The following ADAMTSL3 variants were observed in gnomAD, a reference collection of about 807,000 sequenced individuals.
The protein encoded by ADAMTSL3 is ADAMTS-like protein 3.
In ADAMTSL3, 128 loss-of-function variants were observed where a neutral mutation model predicts 201.7. The observed-to-expected ratio is 0.63, with a 90% CI of 0.55 to 0.73. The LOEUF is 0.73. Among genes scored for constraint, ADAMTSL3 ranks in the 30% least tolerant of loss-of-function variants. The pLI is 0.00. For synonymous variants in ADAMTSL3, 738 were observed against 748.4 expected (o/e 0.99, Z 0.23); for missense variants, 1,990 against 2,119.6 (o/e 0.94, Z 1.20).
At chr15:83,728,629 C>G (rs1306818420) in intron 3 of ADAMTSL3, among the ~76,000 whole-genome samples, 1 of 151,816 alleles carries the variant, frequency 6.6e-6, no homozygotes, top group Non-Finnish European at 1.5e-5. Context: ...AAGAGAAAAC[C>G]AACATAAATT....
rs542360045 is a variant in ADAMTSL3, at chr15:83,949,978, AT to A, written c.2490+6898del. On this transcript the variant is annotated intron_variant, in intron 19 of 29. Coordinates refer to ENST00000286744, the MANE Select transcript of ADAMTSL3 (RefSeq NM_207517.3). ...TCTGTGGGTTGTGTCTACTTTGTTG[AT>A]TGTTTTATTTGCCGTGTAGAAGCTT... Among the ~76,000 whole-genome samples, 264 of 151,568 alleles carry A rather than the reference AT, an allele frequency of 1.7e-3. 1 individual carries two copies. The highest frequency in any genetic ancestry group is 6.1e-3 in the African/African-American group (251 of 41,318).
intron 3 of ADAMTSL3, among the ~76,000 whole-genome samples, chr15:83,757,267 G>A (rs934289517): frequency 2.6e-5 from 4 of 152,226 alleles, no homozygotes; most frequent in African/African-American, 9.7e-5. Context: ...GGACATCCAG[G>A]TATTTCCATA....
intron 6 of ADAMTSL3, among the ~76,000 whole-genome samples, chr15:83,822,713 G>A (rs939328549): frequency 6.6e-6 from 1 of 150,748 alleles, no homozygotes; most frequent in Non-Finnish European, 1.5e-5. Context: ...TTTCCAGACT[G>A]GGCAGCCAGG....
intron 20 of ADAMTSL3, among the ~76,000 whole-genome samples, chr15:83,976,598 CAG>C (rs1420442819): frequency 6.6e-6 from 1 of 151,682 alleles, no homozygotes; most frequent in African/African-American, 2.4e-5. Context: ...TGATGAGAGA[CAG>C]AGACACATCA....
At chr15:83,904,245 G>A (rs2065792227) in intron 15 of ADAMTSL3, among the ~76,000 whole-genome samples, 1 of 151,638 alleles carries the variant, frequency 6.6e-6, no homozygotes, top group Non-Finnish European at 1.5e-5. Context: ...CACACTGCCT[G>A]GCAGTTTCTG....
At chr15:83,816,980 A>C (rs2063781199) in intron 5 of ADAMTSL3, among the ~76,000 whole-genome samples, 1 of 152,188 alleles carries the variant, frequency 6.6e-6, no homozygotes, top group South Asian at 2.1e-4. Flanking sequence ...TGGGTGACAG[A>C]GTAAGACCCT....
At chr15:83,801,651 A>AATAT (rs68098545) in intron 4 of ADAMTSL3, among the ~76,000 whole-genome samples, 1,140 of 30,510 alleles carry the variant, frequency 0.037, 84 homozygotes, top group South Asian at 0.051. Context: ...TATAAATATA[A>AATAT]ATATATATAT....
At chr15:83,684,627 G>T (rs1471987665) in intron 2 of ADAMTSL3, among the ~76,000 whole-genome samples, 1 of 152,102 alleles carries the variant, frequency 6.6e-6, no homozygotes, top group Admixed American at 6.6e-5. Flanking sequence ...ATTATACTGT[G>T]AGTATTCTGT....
intron 4 of ADAMTSL3, among the ~76,000 whole-genome samples, chr15:83,784,821 G>A (rs1257228330): frequency 6.6e-6 from 1 of 151,124 alleles, no homozygotes; most frequent in Non-Finnish European, 1.5e-5. Flanking sequence ...CCCATTTCTT[G>A]AGTTTATTAT....
At chr15:83,973,135 T>C (rs2067225996) in intron 20 of ADAMTSL3, among the ~76,000 whole-genome samples, 1 of 152,176 alleles carries the variant, frequency 6.6e-6, no homozygotes, top group African/African-American at 2.4e-5. Context: ...ACACCTGATA[T>C]CCCAATTTCC....
In ADAMTSL3 at chr15:83,817,858, C is replaced by T. The variant is rs544643047; in HGVS notation, c.364-1953C>T. Among the ~76,000 whole-genome samples, 55 of 152,160 alleles carry T rather than the reference C, an allele frequency of 3.6e-4. 1 individual carries two copies. The highest frequency in any genetic ancestry group is 1.3e-3 in the African/African-American group (52 of 41,500). On this transcript the variant is annotated intron_variant, in intron 5 of 29. Coordinates refer to ENST00000286744, the MANE Select transcript of ADAMTSL3 (RefSeq NM_207517.3). ...GTCAGAAGTTTGAGACCAGCCTGGC[C>T]AACATGGTGAAACCCCATCTCTAAT...
chr15:83,773,773 G>T, intron 4 of ADAMTSL3, 123 bp downstream of exon 4: 2 of 1,313,158 alleles, frequency 1.5e-6, no homozygotes, highest in Non-Finnish European at 2.0e-6. Context: ...CGTTTGCTTT[G>T]TCTAAATATT....
At chr15:83,684,512 T>C (rs1051929778) in intron 2 of ADAMTSL3, among the ~76,000 whole-genome samples, 1 of 152,038 alleles carries the variant, frequency 6.6e-6, no homozygotes, top group African/African-American at 2.4e-5. Flanking sequence ...TGTAGTGTGC[T>C]ATAGTTGTGC....
chr15:84,030,979 C>T (rs1193980308), intron 27 of ADAMTSL3, among the ~76,000 whole-genome samples: 1 of 152,186 alleles, frequency 6.6e-6, no homozygotes, highest in Non-Finnish European at 1.5e-5. Flanking sequence ...CTTGTTTCCC[C>T]TTCACCTTCT....
intron 7 of ADAMTSL3, among the ~76,000 whole-genome samples, chr15:83,841,275 C>T (rs2064369635): frequency 6.6e-6 from 1 of 152,118 alleles, no homozygotes; most frequent in Non-Finnish European, 1.5e-5. Flanking sequence ...AATGTCCTGC[C>T]TATTTTACAG....
At position 83,942,960 on chromosome 15, in the gene ADAMTSL3, C is replaced by T; in HGVS notation, c.2368C>T (p.Leu790=). 1 of 1,613,976 alleles carries T rather than the reference C, an allele frequency of 6.2e-7. No individual in the cohort carries two copies. The highest frequency in any genetic ancestry group is 8.5e-7 in the Non-Finnish European group (1 of 1,179,904). The change falls in exon 19 of 30, where the codon CTA becomes TTA. Residue 790 remains leucine, a synonymous_variant. Coordinates refer to ENST00000286744, the MANE Select transcript of ADAMTSL3 (RefSeq NM_207517.3). The part of the protein sequence containing the change: ...QNRRVTCRQL[L]TDGSFLNLSD... ...CAGAAGAGTCACCTGTCGGCAGCTGCTAACGGATGGCAGCTTTTTGAATCT... is the reference window on the plus strand; with the variant it reads ...CAGAAGAGTCACCTGTCGGCAGCTGTTAACGGATGGCAGCTTTTTGAATCT...
At chr15:83,939,196 T>C (rs960741972) in intron 17 of ADAMTSL3, among the ~76,000 whole-genome samples, 1 of 152,186 alleles carries the variant, frequency 6.6e-6, no homozygotes, top group Non-Finnish European at 1.5e-5. Flanking sequence ...TATTTAGGAT[T>C]TTTAAATCTG....
At chr15:83,804,572 GC>G in intron 4 of ADAMTSL3, 77 bp from the exon 5 acceptor site, 4 of 669,674 alleles carry the variant, frequency 6.0e-6, no homozygotes, top group South Asian at 5.3e-5. Flanking sequence ...CCTTGTATTT[GC>G]TTTTTTTTTT....
chr15:83,939,218 CAT>C (rs1190211630), intron 17 of ADAMTSL3, among the ~76,000 whole-genome samples: 2 of 151,868 alleles, frequency 1.3e-5, no homozygotes, highest in African/African-American at 4.8e-5. Flanking sequence ...TTATGAGTGA[CAT>C]AGGCTTAAAT....
Sources: allele counts gnomAD v4.1 joint callset (sites outside exome capture counted in the v4.1 genomes callset), GRCh38; gene constraint gnomAD v4.1.1; transcripts MANE v1.5; gene names NCBI Gene and HGNC (gene_info 2026-07-23, HGNC 2026-07-21).